DIS3L2: variants seen among roughly 807,000 people sequenced by gnomAD.
The protein encoded by DIS3L2 is DIS3 like 3'-5' exoribonuclease 2, also known as DIS3-like exonuclease 2.
In DIS3L2, 34 loss-of-function variants were observed where a neutral mutation model predicts 97.5. The observed-to-expected ratio is 0.35, with a 90% CI of 0.27 to 0.46. DIS3L2 has a LOEUF of 0.46. Ranked by LOEUF, DIS3L2 falls within the 20% of genes least tolerant of loss-of-function variation. DIS3L2 has a pLI of 1.00. For synonymous variants in DIS3L2, 435 were observed against 445.2 expected, an observed-to-expected ratio of 0.98 and a Z score of 0.29; for missense variants, 1,038 against 1,146.0, an observed-to-expected ratio of 0.91 and a Z score of 1.36.
chr2:231,993,683 ATAAT>A (rs1420397152), intron 1 of DIS3L2, among the ~76,000 whole-genome samples: 1 of 152,164 alleles, frequency 6.6e-6, no homozygotes, highest in East Asian at 1.9e-4. Context: ...TTAAAATGAA[ATAAT>A]TAATATACAT....
chr2:232,321,230 A>G (rs975244928), intron 14 of DIS3L2, among the ~76,000 whole-genome samples: 3 of 152,212 alleles, frequency 2.0e-5, no homozygotes, highest in African/African-American at 7.2e-5. Flanking sequence ...CCCCCAGAGC[A>G]CTAGCAGCTA....
Position 232,210,359 on chromosome 2 carries a change from C to T in DIS3L2, c.1158C>T (p.Thr386=), listed in dbSNP as rs539081624. 108 of 1,613,670 alleles carry T rather than the reference C, an allele frequency of 6.7e-5. No individual in the cohort carries two copies. Among genetic ancestry groups the T allele is most frequent in the East Asian group, 8.9e-5 (4 of 44,858 alleles). ...KDCIFTIDPS[T]ARDLDDALSC... ...GTATCTTCACCATTGACCCATCAAC[C>T]GCCCGAGACCTCGATGATGCCCTCT... Residue 386 remains threonine (T), a synonymous_variant, in exon 10 of 21, where the codon ACC becomes ACT. Transcript: ENST00000325385.
intron 5 of DIS3L2, among the ~76,000 whole-genome samples, chr2:232,083,628 G>T (rs1327072902): frequency 6.6e-6 from 1 of 151,746 alleles, no homozygotes. Flanking sequence ...CTGAGTAGCT[G>T]GGATTACACA....
intron 5 of DIS3L2, among the ~76,000 whole-genome samples, chr2:232,049,224 A>C (rs576180918): frequency 6.6e-6 from 1 of 152,288 alleles, no homozygotes; most frequent in East Asian, 1.9e-4. Flanking sequence ...AGATCTTTAA[A>C]TATATGACTT....
intron 5 of DIS3L2, among the ~76,000 whole-genome samples, chr2:232,057,068 C>T (rs1373601222): frequency 1.3e-5 from 2 of 152,240 alleles, no homozygotes; most frequent in East Asian, 3.9e-4. Flanking sequence ...CAATAGAATA[C>T]TGTACAGCAG....
At chr2:232,082,542 G>T (rs911871331) in intron 5 of DIS3L2, among the ~76,000 whole-genome samples, 2 of 152,150 alleles carry the variant, frequency 1.3e-5, no homozygotes, top group African/African-American at 4.8e-5. Context: ...ATGCTTGATG[G>T]TCTGAGATGG....
Position 232,327,525 on chromosome 2 carries a change from G to A in DIS3L2, c.1740-2288G>A, listed in dbSNP as rs138851448. On this transcript the variant is annotated intron_variant, in intron 14 of 20. Coordinates refer to ENST00000325385, the MANE Select transcript of DIS3L2 (RefSeq NM_152383.5). ...GATTGTGTGCATCTGAAGTATTTCC[G>A]TGCTGATGGCCTGACCAGTATCAGA... 1.1e-4 allele frequency among the ~76,000 whole-genome samples: 16 copies of A among 152,354 alleles called. No homozygotes were observed. In the East Asian group the frequency reaches 2.7e-3, roughly 26 times the overall value.
chr2:232,191,211 G>C (rs1012877376), intron 9 of DIS3L2, among the ~76,000 whole-genome samples: 1 of 152,198 alleles, frequency 6.6e-6, no homozygotes, highest in African/African-American at 2.4e-5. Context: ...GCAAATTGGA[G>C]AGATTTGAGC....
At chr2:232,035,386 G>T (rs1275458136) in intron 5 of DIS3L2, among the ~76,000 whole-genome samples, 2 of 152,096 alleles carry the variant, frequency 1.3e-5, no homozygotes, top group African/African-American at 2.4e-5. Context: ...TTGAGCCTAT[G>T]TGTGTCTCTG....
chr2:232,034,571 T>C (rs1229102211), intron 5 of DIS3L2, among the ~76,000 whole-genome samples: 1 of 152,346 alleles, frequency 6.6e-6, no homozygotes, highest in East Asian at 1.9e-4. Flanking sequence ...GGGTGTTGAT[T>C]TTAAATTTTT....
chr2:231,962,124 G>A (rs999752011), intron 1 of DIS3L2, among the ~76,000 whole-genome samples: 10 of 152,146 alleles, frequency 6.6e-5, no homozygotes, highest in African/African-American at 2.2e-4. Flanking sequence ...ACCTGTGGAC[G>A]CGTTCTCTAG....
intron 3 of DIS3L2, among the ~76,000 whole-genome samples, chr2:232,018,849 C>T (rs559256666): frequency 3.3e-5 from 5 of 152,048 alleles, no homozygotes; most frequent in African/African-American, 1.2e-4. Context: ...ATAACAGTAA[C>T]ACATGGTCAT....
At chr2:232,048,073 T>C (rs761546170) in intron 5 of DIS3L2, among the ~76,000 whole-genome samples, 17 of 152,214 alleles carry the variant, frequency 1.1e-4, no homozygotes, top group Non-Finnish European at 2.2e-4. Context: ...TTTTGAGTAT[T>C]TGTCTAGGAG....
chr2:232,265,963 T>A (rs1693847049), intron 13 of DIS3L2, among the ~76,000 whole-genome samples: 1 of 152,220 alleles, frequency 6.6e-6, no homozygotes, highest in Non-Finnish European at 1.5e-5. Flanking sequence ...ATTAAAACAT[T>A]TAGTGATGGG....
chr2:232,273,333 C>A (rs1694055578), intron 13 of DIS3L2, among the ~76,000 whole-genome samples: 1 of 152,164 alleles, frequency 6.6e-6, no homozygotes, highest in South Asian at 2.1e-4. Flanking sequence ...GTATCCCCAG[C>A]CCCTGCCCAG....
chr2:232,219,193 T>C (rs1692427986), intron 10 of DIS3L2, among the ~76,000 whole-genome samples: 1 of 152,262 alleles, frequency 6.6e-6, no homozygotes, highest in Admixed American at 6.5e-5. Flanking sequence ...GCAAGTATTC[T>C]TCATGTCTTG....
In DIS3L2 at chr2:232,269,837, A is replaced by G. The variant is rs1017204128; in HGVS notation, c.1659+6397A>G. Among the ~76,000 whole-genome samples, 2 of 152,162 alleles carry G rather than the reference A, an allele frequency of 1.3e-5. No homozygotes were observed. Among genetic ancestry groups the G allele is most frequent in the African/African-American group, 4.8e-5 (2 of 41,440 alleles). ...ACCAGGGCAGCTATGGAATGATTTT[A>G]AATATGTAAGTGACATGAGCAGAAC... is the stretch of plus-strand genomic sequence containing the variant. On this transcript the variant is annotated intron_variant, in intron 13 of 20. Coordinates refer to ENST00000325385, the MANE Select transcript of DIS3L2 (RefSeq NM_152383.5). The surrounding 1 kb of genome is among the most constrained non-coding windows in gnomAD (Gnocchi z 4.5).
chr2:231,962,152 T>G (rs550957686), intron 1 of DIS3L2, among the ~76,000 whole-genome samples: 1 of 152,286 alleles, frequency 6.6e-6, no homozygotes, highest in African/African-American at 2.4e-5. Context: ...ATCGAGATGT[T>G]CAGGACTGGC....
chr2:232,169,489 A>G (rs1164760866), intron 9 of DIS3L2, among the ~76,000 whole-genome samples: 1 of 152,220 alleles, frequency 6.6e-6, no homozygotes, highest in Admixed American at 6.5e-5. Context: ...TAATATAGGT[A>G]TGAACAGACT....
Sources: allele counts gnomAD v4.1 joint callset (sites outside exome capture counted in the v4.1 genomes callset), GRCh38; gene constraint gnomAD v4.1.1; non-coding constraint Gnocchi (gnomAD v3.1); transcripts MANE v1.5; gene names NCBI Gene and HGNC (gene_info 2026-07-23, HGNC 2026-07-21).